Variants in GRIK1 observed in about 807,000 individuals in gnomAD.
GRIK1 encodes the protein glutamate receptor ionotropic, kainate 1.
A neutral mutation model predicts 105.7 loss-of-function variants in GRIK1; 69 were observed. The ratio of observed to expected loss-of-function variants is 0.65; its 90% CI spans 0.54 to 0.80. The LOEUF is 0.80. GRIK1 is among the 30% of genes least tolerant of loss of function. The probability of loss-of-function intolerance (pLI) is 0.00; values close to 1 mark genes in which losing one functional copy is unlikely to be tolerated. For missense variants in GRIK1, 1,109 were observed against 1,167.3 expected, an observed-to-expected ratio of 0.95 and a Z score of 0.73; for synonymous variants, 438 against 431.3, an observed-to-expected ratio of 1.02 and a Z score of -0.19.
intron 1 of GRIK1, among the ~76,000 whole-genome samples, chr21:29,814,389 G>T (rs892410253): frequency 2.0e-5 from 3 of 151,754 alleles, no homozygotes; most frequent in Admixed American, 1.3e-4. Flanking sequence ...GTTCCTCTTC[G>T]TCTGATTTGC....
At position 29,546,895 on chromosome 21, in the gene GRIK1, T is replaced by C. The variant is rs78329644; in HGVS notation, c.2607+8157A>G. 6.2e-3 allele frequency among the ~76,000 whole-genome samples: 937 copies of C among 152,312 alleles called. 9 individuals are homozygous for C. The highest frequency in any genetic ancestry group is 0.022 in the African/African-American group (905 of 41,570). ...ATATAAAAACTCCCATACTTGATGGTAGGAAGAAGGGTAGGGATAAAAACA... is the reference window on the plus strand; with the variant it reads ...ATATAAAAACTCCCATACTTGATGGCAGGAAGAAGGGTAGGGATAAAAACA... On this transcript the variant is annotated intron_variant, in intron 16 of 17. Coordinates refer to ENST00000327783, the MANE Select transcript of GRIK1 (RefSeq NM_001330994.2).
At chr21:29,617,665 G>C (rs982686766) in intron 7 of GRIK1, among the ~76,000 whole-genome samples, 1 of 152,146 alleles carries the variant, frequency 6.6e-6, no homozygotes, top group Non-Finnish European at 1.5e-5. Context: ...CATTAGCATA[G>C]GGAATAGAGA....
At chr21:29,842,504 A>T (rs913178737) in intron 1 of GRIK1, among the ~76,000 whole-genome samples, 1 of 152,180 alleles carries the variant, frequency 6.6e-6, no homozygotes, top group African/African-American at 2.4e-5. Flanking sequence ...TTTTGGAGTT[A>T]ATTTAAGATT....
In GRIK1 at chr21:29,598,900, T is replaced by C; in HGVS notation, c.1136A>G (p.Asn379Ser). ...WDGLTGHITF[N>S]KTNGLRKDFD... Reference sequence around the variant, plus strand: ...ATCCTTCCTCAAGCCATTGGTTTTATTAAAGGTGATATGCCCAGTCAAGCC... The same window carrying C: ...ATCCTTCCTCAAGCCATTGGTTTTACTAAAGGTGATATGCCCAGTCAAGCC... Residue 379 changes from asparagine to serine, a missense_variant, in exon 8 of 18, where the codon AAT becomes AGT. Transcript: ENST00000327783. 2 of 1,597,824 alleles carry C rather than the reference T, an allele frequency of 1.3e-6. No individual in the cohort carries two copies. The highest frequency in any genetic ancestry group is 1.7e-6 in the Non-Finnish European group (2 of 1,168,418).
intron 2 of GRIK1, 71 bp from the exon 3 acceptor site, chr21:29,690,056 T>C: frequency 1.6e-6 from 2 of 1,242,900 alleles, no homozygotes; most frequent in Non-Finnish European, 1.1e-6. Context: ...GAGAGTTCTA[T>C]GAATTTAATT....
At chr21:29,594,908 A>C (rs766269724) in intron 9 of GRIK1, among the ~76,000 whole-genome samples, 3 of 152,318 alleles carry the variant, frequency 2.0e-5, no homozygotes, top group Non-Finnish European at 4.4e-5. Context: ...GAATAATACT[A>C]TTCTAAAATA....
Position 29,580,089 on chromosome 21 carries a change from G to A in GRIK1, c.1912+1336C>T, listed in dbSNP as rs1403883511. Among the ~76,000 whole-genome samples, 10 of 143,390 alleles carry A rather than the reference G, an allele frequency of 7.0e-5. No individual in the cohort carries two copies. In the East Asian group the frequency reaches 1.4e-3, roughly 20 times the overall value. The allele number at this position is 143,390 out of a possible 152,430, so 94.1% of individuals were successfully genotyped here. Reference sequence around the variant, plus strand: ...TGTGTATATATATGTATATGTGTGTGTATATATATGTGTGTATATATACAT... The same window carrying A: ...TGTGTATATATATGTATATGTGTGTATATATATATGTGTGTATATATACAT... On this transcript the variant is annotated intron_variant, in intron 13 of 17. Coordinates refer to ENST00000327783, the MANE Select transcript of GRIK1 (RefSeq NM_001330994.2).
intron 9 of GRIK1, among the ~76,000 whole-genome samples, chr21:29,592,954 G>A (rs966524602): frequency 1.3e-5 from 2 of 152,138 alleles, no homozygotes; most frequent in African/African-American, 4.8e-5. Context: ...CTAATGGGAA[G>A]ACAGACAGGA....
intron 3 of GRIK1, among the ~76,000 whole-genome samples, chr21:29,684,065 G>A (rs1292970856): frequency 6.6e-6 from 1 of 152,120 alleles, no homozygotes; most frequent in Non-Finnish European, 1.5e-5. Flanking sequence ...CCCGAATACT[G>A]TTTGATGCTT....
intron 7 of GRIK1, among the ~76,000 whole-genome samples, chr21:29,613,573 T>C (rs546492375): frequency 6.6e-6 from 1 of 152,258 alleles, no homozygotes; most frequent in Non-Finnish European, 1.5e-5. Context: ...CTGAAGAAGT[T>C]TACTCTGATG....
intron 1 of GRIK1, among the ~76,000 whole-genome samples, chr21:29,896,036 G>T (rs1047945196): frequency 6.6e-6 from 1 of 152,068 alleles, no homozygotes; most frequent in African/African-American, 2.4e-5. Context: ...TACCTGCATG[G>T]CTATCTCCCT....
At chr21:29,596,384 T>A (rs746398212) in intron 9 of GRIK1, 142 bp downstream of exon 9, 1 of 768,828 alleles carries the variant, frequency 1.3e-6, no homozygotes, top group Non-Finnish European at 2.4e-6. Context: ...ATTCAATCAC[T>A]CCTCTCTCTT....
intron 1 of GRIK1, among the ~76,000 whole-genome samples, chr21:29,888,154 C>CTTTT (rs1245471484): frequency 5.7e-5 from 7 of 122,358 alleles, no homozygotes; most frequent in Non-Finnish European, 1.0e-4. Context: ...TCCCTCCCTC[C>CTTTT]TTTCTTTTTT....
chr21:29,871,142 T>G (rs1209220568), intron 1 of GRIK1, among the ~76,000 whole-genome samples: 1 of 152,170 alleles, frequency 6.6e-6, no homozygotes, highest in Non-Finnish European at 1.5e-5. Flanking sequence ...CCACCTGACT[T>G]GCATTCTTTC....
In GRIK1 at chr21:29,588,900, T is replaced by C; in HGVS notation, c.1508A>G (p.Lys503Arg). The C allele has an allele frequency of 1.2e-6, 2 of 1,610,648 alleles. No individual in the cohort carries two copies. Among genetic ancestry groups the C allele is most frequent in the Non-Finnish European group, 1.7e-6 (2 of 1,176,810 alleles). ...IYDVKLVPDG[K>R]YGAQNDKGEW... ...CCCTTTGTCATTCTGGGCCCCATATTTGCCATCGGGAACTAGTTTAACATC... is the reference window on the plus strand; with the variant it reads ...CCCTTTGTCATTCTGGGCCCCATATCTGCCATCGGGAACTAGTTTAACATC... Residue 503 changes from lysine to arginine, a missense_variant, in exon 11 of 18, where the codon AAA becomes AGA. Transcript: ENST00000327783.
rs1192545601 is a variant in GRIK1 at position 29,690,456 on chromosome 21, C to G, written c.287-471G>C. Reference sequence around the variant, plus strand: ...AACTACAAAGTGCTTTAGCTCCTATCTTTCCAAAACTCAGAAAGAAGTTCC... The same window carrying G: ...AACTACAAAGTGCTTTAGCTCCTATGTTTCCAAAACTCAGAAAGAAGTTCC... On this transcript the variant is annotated intron_variant, in intron 2 of 17. Transcript: ENST00000327783. 4.6e-5 allele frequency among the ~76,000 whole-genome samples: 7 copies of G among 152,332 alleles called. 1 individual carries two copies. In the South Asian group the frequency reaches 1.2e-3, roughly 27 times the overall value.
chr21:29,580,797 T>TA (rs1294345200), intron 13 of GRIK1, among the ~76,000 whole-genome samples: 2 of 152,056 alleles, frequency 1.3e-5, no homozygotes, highest in African/African-American at 4.8e-5. Context: ...TTCCAAAGGT[T>TA]AAAATAGCTC....
chr21:29,840,748 G>T (rs1272356055), intron 1 of GRIK1, among the ~76,000 whole-genome samples: 1 of 152,040 alleles, frequency 6.6e-6, no homozygotes, highest in East Asian at 1.9e-4. Context: ...GTAGTCTCTT[G>T]CTGAAATATC....
At chr21:29,874,398 C>G (rs992231915) in intron 1 of GRIK1, among the ~76,000 whole-genome samples, 6 of 152,180 alleles carry the variant, frequency 3.9e-5, no homozygotes, top group African/African-American at 7.2e-5. Flanking sequence ...TCCTTGTTAC[C>G]TAGGGCGAGG....
Sources: gnomAD v4.1 joint callset for allele counts (sites outside exome capture counted in the v4.1 genomes callset) on GRCh38, gnomAD v4.1.1 for gene constraint, MANE v1.5 for transcripts, NCBI Gene and HGNC (gene_info 2026-07-23, HGNC 2026-07-21) for gene names.